Variants in KCNJ16 observed in about 807,000 individuals in gnomAD.
KCNJ16 encodes potassium inwardly rectifying channel subfamily J member 16, also known as inward rectifier potassium channel 16.
Under a neutral mutation model 18.5 loss-of-function variants are expected in KCNJ16, and 15 were observed. The ratio of observed to expected loss-of-function variants is 0.81; its 90% CI spans 0.54 to 1.25. The LOEUF is 1.25. Among genes scored for constraint, KCNJ16 ranks in the 50% most tolerant of loss-of-function variants. KCNJ16 has a pLI of 0.00. For synonymous variants in KCNJ16, 174 were observed against 186.5 expected, an observed-to-expected ratio of 0.93 and a Z score of 0.55; for missense variants, 523 against 525.7, an observed-to-expected ratio of 0.99 and a Z score of 0.05.
At chr17:70,115,973 C>T (rs2073385310) in intron 2 of KCNJ16, among the ~76,000 whole-genome samples, 1 of 152,040 alleles carries the variant, frequency 6.6e-6, no homozygotes, top group Non-Finnish European at 1.5e-5. Flanking sequence ...GATTTGTTTC[C>T]CCTTTACAAA....
At chr17:70,091,315 C>T (rs2072081189) in intron 1 of KCNJ16, among the ~76,000 whole-genome samples, 1 of 152,062 alleles carries the variant, frequency 6.6e-6, no homozygotes, top group Non-Finnish European at 1.5e-5. Flanking sequence ...AGATAATTTC[C>T]TGTTTGTTAT....
intron 1 of KCNJ16, among the ~76,000 whole-genome samples, chr17:70,094,060 A>G (rs1033225089): frequency 2.0e-5 from 3 of 152,220 alleles, no homozygotes; most frequent in Non-Finnish European, 4.4e-5. Context: ...AACTTGGTTT[A>G]AATTGCGATT....
intron 2 of KCNJ16, among the ~76,000 whole-genome samples, chr17:70,121,853 C>T (rs543478970): frequency 5.3e-4 from 80 of 152,102 alleles, no homozygotes; most frequent in Middle Eastern, 3.4e-3. Flanking sequence ...GTCCCAGCTA[C>T]GAGGTTGAGG....
In KCNJ16 at chr17:70,103,255, TTA is replaced by T. The variant is rs201118461; in HGVS notation, c.-191+2491_-191+2492del. Among the ~76,000 whole-genome samples, 708 of 127,014 alleles carry T rather than the reference TTA, an allele frequency of 5.6e-3. 6 individuals are homozygous for T. Among genetic ancestry groups the T allele is most frequent in the Non-Finnish European group, 9.0e-3 (545 of 60,378 alleles). The allele number at this position is 127,014 out of a possible 152,430, so 83.3% of individuals were successfully genotyped here. ...TATATATTTATGTGTATATATATAT[TTA>T]TGTGTATATGTGTATATAATATGCA... On this transcript the variant is annotated intron_variant, in intron 2 of 3. Coordinates refer to ENST00000392671, the MANE Select transcript of KCNJ16 (RefSeq NM_170741.4).
chr17:70,131,035 A>G (rs2074036439), intron 3 of KCNJ16, 60 bp downstream of exon 3: 2 of 1,466,354 alleles, frequency 1.4e-6, no homozygotes, highest in Admixed American at 3.9e-5. Context: ...GAGAAAAATT[A>G]TTTTGCCTAA....
chr17:70,104,411 T>C (rs151211132), intron 2 of KCNJ16, among the ~76,000 whole-genome samples: 1 of 152,336 alleles, frequency 6.6e-6, no homozygotes, highest in Admixed American at 6.5e-5. Context: ...CTGATAGTCT[T>C]TCTGGGGGCA....
At chr17:70,075,802 A>C (rs1377269484) in intron 1 of KCNJ16, among the ~76,000 whole-genome samples, 1 of 150,214 alleles carries the variant, frequency 6.7e-6, no homozygotes, top group Non-Finnish European at 1.5e-5. Flanking sequence ...TATGTATTTT[A>C]TACCCCCCTC....
rs1387374917 is a variant in KCNJ16, at chr17:70,133,480, T to C, written c.*136T>C. 1.4e-6 allele frequency: 1 copy of C among 692,514 alleles called. No homozygotes were observed. Among genetic ancestry groups the C allele is most frequent in the East Asian group, 2.8e-5 (1 of 36,234 alleles). 42.9% of individuals were successfully genotyped at this position (692,514 alleles called of 1,614,324 possible). A position where few individuals can be genotyped will look rare whatever the true frequency, so the allele number is the denominator to read the frequency against. ...GCTGGGTAAGTAGAGTAAGTTAAACTTGGTAAAAGATAATCTAAAAATTCC... is the reference window on the plus strand; with the variant it reads ...GCTGGGTAAGTAGAGTAAGTTAAACCTGGTAAAAGATAATCTAAAAATTCC... On this transcript the variant is annotated 3_prime_UTR_variant, in exon 4 of 4. Transcript: ENST00000392671.
chr17:70,076,473 AAG>A (rs2071314990), intron 1 of KCNJ16, among the ~76,000 whole-genome samples: 1 of 152,194 alleles, frequency 6.6e-6, no homozygotes, highest in Non-Finnish European at 1.5e-5. Flanking sequence ...GAGAAAGAGA[AAG>A]AGAGCCTGAG....
At chr17:70,110,241 C>T (rs897839319) in intron 2 of KCNJ16, among the ~76,000 whole-genome samples, 11 of 152,232 alleles carry the variant, frequency 7.2e-5, no homozygotes, top group African/African-American at 2.4e-4. Flanking sequence ...TTGGGTCACT[C>T]TTCTGTACCC....
intron 2 of KCNJ16, among the ~76,000 whole-genome samples, chr17:70,129,768 CACTTGTA>C (rs1452890993): frequency 2.0e-5 from 3 of 152,208 alleles, no homozygotes; most frequent in East Asian, 1.9e-4. Flanking sequence ...CAAATTTGTT[CACTTGTA>C]ACTTGTATTA....
rs576670273 is a variant in KCNJ16, at chr17:70,110,620, T to C, written c.-191+9854T>C. On this transcript the variant is annotated intron_variant, in intron 2 of 3. Coordinates refer to ENST00000392671, the MANE Select transcript of KCNJ16 (RefSeq NM_170741.4). ...TCCTGTGTACTTTGGATCCACGCAG[T>C]AGGAAGCTTCATGCTTGCTGCTTTC... Among the ~76,000 whole-genome samples, 4 of 152,320 alleles carry C rather than the reference T, an allele frequency of 2.6e-5. No homozygotes were observed. In the South Asian group the frequency reaches 8.3e-4, roughly 32 times the overall value.
In KCNJ16 at chr17:70,132,834, C is replaced by A; in HGVS notation, c.747C>A (p.Thr249=). Residue 249 remains threonine, a synonymous_variant, in exon 4 of 4, where the codon ACC becomes ACA. Coordinates refer to ENST00000392671, the MANE Select transcript of KCNJ16 (RefSeq NM_170741.4). ...TCAACGACCAAATCATCCTGGTCACCCCGGTAACTATTGTCCATGAAATTG... is the reference window on the plus strand; with the variant it reads ...TCAACGACCAAATCATCCTGGTCACACCGGTAACTATTGTCCATGAAATTG... ...KLVNDQIILV[T]PVTIVHEIDH... 1.2e-6 allele frequency: 2 copies of A among 1,613,936 alleles called. No individual in the cohort carries two copies. The highest frequency in any genetic ancestry group is 1.7e-6 in the Non-Finnish European group (2 of 1,180,024).
At chr17:70,082,226 G>A (rs984474847) in intron 1 of KCNJ16, among the ~76,000 whole-genome samples, 1 of 152,198 alleles carries the variant, frequency 6.6e-6, no homozygotes, top group African/African-American at 2.4e-5. Flanking sequence ...AGGAAGAAAA[G>A]TTGTCTGCCT....
intron 2 of KCNJ16, among the ~76,000 whole-genome samples, chr17:70,121,618 G>A (rs1407940159): frequency 6.6e-6 from 1 of 152,096 alleles, no homozygotes; most frequent in African/African-American, 2.4e-5. Context: ...TAAGCAAAGA[G>A]TGACATGTTT....
intron 1 of KCNJ16, among the ~76,000 whole-genome samples, chr17:70,079,159 G>A (rs1325847023): frequency 6.6e-6 from 1 of 152,132 alleles, no homozygotes; most frequent in Non-Finnish European, 1.5e-5. Flanking sequence ...CTGTAGGGCG[G>A]GCTGGTAGAA....
intron 1 of KCNJ16, among the ~76,000 whole-genome samples, chr17:70,080,877 G>A (rs1177115921): frequency 1.3e-5 from 2 of 152,080 alleles, no homozygotes; most frequent in Admixed American, 6.6e-5. Context: ...AAAATTGTTC[G>A]CTAGATCTCC....
In KCNJ16 at chr17:70,095,862, A is replaced by C. The variant is rs189229099; in HGVS notation, c.-299-4796A>C. Reference sequence around the variant, plus strand: ...CTGTGATAATTTGGCATTTTATATTACTTAATCCTTTTTTTTTTTTTTTTT... The same window carrying C: ...CTGTGATAATTTGGCATTTTATATTCCTTAATCCTTTTTTTTTTTTTTTTT... On this transcript the variant is annotated intron_variant, in intron 1 of 3. Transcript: ENST00000392671. Among the ~76,000 whole-genome samples, 634 of 116,680 alleles carry C rather than the reference A, an allele frequency of 5.4e-3. 6 individuals carry two copies. Among genetic ancestry groups the C allele is most frequent in the Non-Finnish European group, 8.0e-3 (454 of 56,510 alleles). The allele number at this position is 116,680 out of a possible 152,430, so 76.5% of individuals were successfully genotyped here.
intron 1 of KCNJ16, among the ~76,000 whole-genome samples, chr17:70,100,279 C>T (rs2072564918): frequency 6.6e-6 from 1 of 152,142 alleles, no homozygotes; most frequent in African/African-American, 2.4e-5. Flanking sequence ...ATAAGTCAGA[C>T]AATTGTTTTC....
Sources: allele counts gnomAD v4.1 joint callset (sites outside exome capture counted in the v4.1 genomes callset), GRCh38; gene constraint gnomAD v4.1.1; transcripts MANE v1.5; gene names NCBI Gene and HGNC (gene_info 2026-07-23, HGNC 2026-07-21).